The following RABGAP1L variants were observed in gnomAD, a reference collection of about 807,000 sequenced individuals.
RABGAP1L encodes rab GTPase-activating protein 1-like.
In RABGAP1L, 63 loss-of-function variants were observed where a neutral mutation model predicts 137.7. That is an observed-to-expected ratio of 0.46 (90% CI 0.37 to 0.56). The LOEUF is 0.56. RABGAP1L is among the 20% of genes least tolerant of loss of function. The pLI is 0.00. For synonymous variants in RABGAP1L, 431 were observed against 433.7 expected (o/e 0.99, Z 0.08); for missense variants, 1,095 against 1,244.0 (o/e 0.88, Z 1.80).
intron 13 of RABGAP1L, among the ~76,000 whole-genome samples, chr1:174,538,602 G>A (rs964674048): frequency 1.3e-5 from 2 of 151,782 alleles, no homozygotes; most frequent in African/African-American, 4.8e-5. Context: ...CTATGACTTA[G>A]TTTTTTTTAA....
chr1:174,534,408 A>G (rs1664709052), intron 13 of RABGAP1L, among the ~76,000 whole-genome samples: 1 of 152,004 alleles, frequency 6.6e-6, no homozygotes, highest in African/African-American at 2.4e-5. Context: ...ATTTTCCTAT[A>G]CATATGTACC....
chr1:174,373,404 A>G (rs1685265873), intron 12 of RABGAP1L, among the ~76,000 whole-genome samples: 1 of 152,220 alleles, frequency 6.6e-6, no homozygotes, highest in Non-Finnish European at 1.5e-5. Context: ...GGAAACAGCT[A>G]TGGCCTATGG....
At position 174,275,823 on chromosome 1, in the gene RABGAP1L, A is replaced by G. The variant is rs773775360; in HGVS notation, c.1054-10A>G. Reference sequence around the variant, plus strand: ...TCTTTTATCAGTAATTACTGTTTGAATTTTTATAGGAATCCATGGGAAAGA... The same window carrying G: ...TCTTTTATCAGTAATTACTGTTTGAGTTTTTATAGGAATCCATGGGAAAGA... On this transcript the variant is annotated splice_polypyrimidine_tract_variant and intron_variant, in intron 8 of 25. Coordinates refer to ENST00000681986, the MANE Select transcript of RABGAP1L (RefSeq NM_001366446.1). 7 of 1,601,340 alleles carry G rather than the reference A, an allele frequency of 4.4e-6. No individual in the cohort carries two copies. In the South Asian group the frequency reaches 6.8e-5, roughly 15 times the overall value.
At chr1:174,849,912 C>T (rs891317066) in intron 19 of RABGAP1L, 3 of 611,190 alleles carry the variant, frequency 4.9e-6, no homozygotes, top group Non-Finnish European at 9.3e-6. Context: ...CTCTTGACAT[C>T]TTTCAGCAGC....
intron 1 of RABGAP1L, among the ~76,000 whole-genome samples, chr1:174,180,515 A>G (rs1452820709): frequency 6.6e-6 from 1 of 152,172 alleles, no homozygotes; most frequent in African/African-American, 2.4e-5. Flanking sequence ...CCTACCTTAG[A>G]GTACAATAGT....
intron 19 of RABGAP1L, among the ~76,000 whole-genome samples, chr1:174,833,408 G>GTATATA (rs3980202): frequency 0.13 from 8,846 of 67,764 alleles, 913 homozygotes; most frequent in East Asian, 0.33. Context: ...GTGTATGTGT[G>GTATATA]TATGTGTGTG....
chr1:174,420,580 C>T (rs948644486), intron 13 of RABGAP1L, among the ~76,000 whole-genome samples: 2 of 151,862 alleles, frequency 1.3e-5, no homozygotes, highest in African/African-American at 4.8e-5. Context: ...TCTAAATTAT[C>T]AAGAGGATTT....
intron 8 of RABGAP1L, among the ~76,000 whole-genome samples, chr1:174,275,476 A>T (rs1028683629): frequency 2.6e-5 from 4 of 152,156 alleles, no homozygotes; most frequent in African/African-American, 7.2e-5. Context: ...TATTGTTTTA[A>T]TAGAAACCAT....
chr1:174,505,127 G>A (rs1371835768), intron 13 of RABGAP1L, among the ~76,000 whole-genome samples: 1 of 152,128 alleles, frequency 6.6e-6, no homozygotes, highest in East Asian at 1.9e-4. Flanking sequence ...GCTATAAGAG[G>A]AATTTGCATA....
Position 174,720,603 on chromosome 1 carries a change from A to T in RABGAP1L, c.2169+18347A>T, listed in dbSNP as rs1053136277. On this transcript the variant is annotated intron_variant, in intron 17 of 25. Transcript: ENST00000681986. ...AGTACTAGGATTACAGGCTTGAGCC[A>T]CCGGTCCCGGCTGGTAACTGGATAT... 6.6e-5 allele frequency among the ~76,000 whole-genome samples: 10 copies of T among 152,106 alleles called. 1 individual carries two copies. The highest frequency in any genetic ancestry group is 2.9e-5 in the Non-Finnish European group (2 of 68,014).
intron 18 of RABGAP1L, among the ~76,000 whole-genome samples, chr1:174,762,634 G>GTTTGCC (rs1192452148): frequency 1.3e-5 from 2 of 152,124 alleles, no homozygotes; most frequent in East Asian, 3.8e-4. Context: ...CTGCCCACTA[G>GTTTGCC]TTTGCCTTTG....
chr1:174,769,239 T>C (rs543723284), intron 18 of RABGAP1L, among the ~76,000 whole-genome samples: 2 of 152,226 alleles, frequency 1.3e-5, no homozygotes, highest in Admixed American at 1.3e-4. Context: ...AGACAATGGA[T>C]ACTTGCTGCT....
chr1:174,213,671 A>G (rs912608662), intron 1 of RABGAP1L, among the ~76,000 whole-genome samples: 1 of 152,252 alleles, frequency 6.6e-6, no homozygotes, highest in African/African-American at 2.4e-5. Flanking sequence ...ATATGGTTCA[A>G]CAGACACATA....
intron 15 of RABGAP1L, among the ~76,000 whole-genome samples, chr1:174,697,812 G>A (rs1557994495): frequency 6.6e-6 from 1 of 152,178 alleles, no homozygotes; most frequent in African/African-American, 2.4e-5. Flanking sequence ...CCAAACGGAA[G>A]CTGAAAAATA....
Position 174,655,545 on chromosome 1 carries a change from T to C in RABGAP1L, c.1824+18057T>C, listed in dbSNP as rs185605958. 9.8e-3 allele frequency among the ~76,000 whole-genome samples: 1,487 copies of C among 152,306 alleles called. 17 individuals are homozygous for C. Among genetic ancestry groups the C allele is most frequent in the Non-Finnish European group, 0.015 (1,032 of 68,016 alleles). ...ATTTTTTCCCATTATTGGTGATGATTAGTGTGATCACATTAATAAGGTGTG... is the reference window on the plus strand; with the variant it reads ...ATTTTTTCCCATTATTGGTGATGATCAGTGTGATCACATTAATAAGGTGTG... On this transcript the variant is annotated intron_variant, in intron 14 of 25. Coordinates refer to ENST00000681986, the MANE Select transcript of RABGAP1L (RefSeq NM_001366446.1).
intron 19 of RABGAP1L, among the ~76,000 whole-genome samples, chr1:174,870,470 G>C (rs1421597041): frequency 6.6e-6 from 1 of 152,088 alleles, no homozygotes; most frequent in African/African-American, 2.4e-5. Flanking sequence ...GCAGTGTTTG[G>C]CACATGGCTA....
At chr1:174,696,628 C>G (rs959185834) in intron 15 of RABGAP1L, among the ~76,000 whole-genome samples, 1 of 152,214 alleles carries the variant, frequency 6.6e-6, no homozygotes, top group Non-Finnish European at 1.5e-5. Flanking sequence ...AAATTCTGCC[C>G]TGTGTTGTGT....
intron 10 of RABGAP1L, among the ~76,000 whole-genome samples, chr1:174,298,981 C>G (rs576544701): frequency 6.6e-6 from 1 of 152,174 alleles, no homozygotes; most frequent in Non-Finnish European, 1.5e-5. Flanking sequence ...TTAAAAACAA[C>G]GAATCAGTTT....
chr1:174,314,195 T>G (rs1215924280), intron 11 of RABGAP1L, among the ~76,000 whole-genome samples: 1 of 152,218 alleles, frequency 6.6e-6, no homozygotes, highest in Non-Finnish European at 1.5e-5. Context: ...GTACTTGTTA[T>G]TAGTCTATTC....
Sources: gnomAD v4.1 joint callset for allele counts (sites outside exome capture counted in the v4.1 genomes callset) on GRCh38, gnomAD v4.1.1 for gene constraint, MANE v1.5 for transcripts, NCBI Gene and HGNC (gene_info 2026-07-23, HGNC 2026-07-21) for gene names.